RBM26: variants seen among roughly 807,000 people sequenced by gnomAD.
The protein encoded by RBM26 is RNA binding motif protein 26, also known as RNA-binding protein 26.
A neutral mutation model predicts 123.6 loss-of-function variants in RBM26; 30 were observed. The ratio of observed to expected loss-of-function variants is 0.24; its 90% CI spans 0.18 to 0.33. The LOEUF is 0.33. Among genes scored for constraint, RBM26 ranks in the 10% least tolerant of loss-of-function variants. RBM26 has a pLI of 1.00. For missense variants in RBM26, 947 were observed against 1,203.6 expected (o/e 0.79, Z 3.15); for synonymous variants, 400 against 404.4 (o/e 0.99, Z 0.13).
chr13:79,359,163 T>C (rs1330378486), intron 10 of RBM26, among the ~76,000 whole-genome samples: 1 of 152,156 alleles, frequency 6.6e-6, no homozygotes. Context: ...AGACAGCCTC[T>C]CCAACCCCCA....
At chr13:79,312,079 G>C (rs2066911889) in exon 5 of RBM26, 1 of 151,786 alleles carries the variant, frequency 6.6e-6, no homozygotes, top group Non-Finnish European at 1.5e-5. Flanking sequence ...AATTGCTTTC[G>C]CTCCACTCAA....
At chr13:79,355,111 A>G in intron 12 of RBM26, 109 bp downstream of exon 12, 1 of 956,408 alleles carries the variant, frequency 1.0e-6, no homozygotes, top group Non-Finnish European at 1.6e-6. Flanking sequence ...CTAAATGCAG[A>G]ACCAGGGTAT....
At chr13:79,369,940 T>G (rs1307471800) in intron 5 of RBM26, among the ~76,000 whole-genome samples, 2 of 152,226 alleles carry the variant, frequency 1.3e-5, no homozygotes, top group Non-Finnish European at 2.9e-5. Context: ...TTGTAATCTG[T>G]AATCTATCAT....
intron 1 of RBM26, among the ~76,000 whole-genome samples, chr13:79,396,999 G>A (rs369986536): frequency 1.3e-5 from 2 of 152,058 alleles, no homozygotes; most frequent in East Asian, 1.9e-4. Flanking sequence ...GGCCAACATG[G>A]TGAAACCCCA....
intron 1 of RBM26, among the ~76,000 whole-genome samples, chr13:79,383,554 T>C (rs2077236974): frequency 6.6e-6 from 1 of 152,150 alleles, no homozygotes; most frequent in Admixed American, 6.6e-5. Context: ...GTGATTATCG[T>C]CCAAATATCG....
intron 1 of RBM26, among the ~76,000 whole-genome samples, chr13:79,394,413 C>T (rs910175979): frequency 1.3e-5 from 2 of 152,128 alleles, no homozygotes; most frequent in South Asian, 4.1e-4. Flanking sequence ...CTAGAGGTTA[C>T]TACTTTCTGT....
Position 79,335,550 on chromosome 13 carries a change from T to C in RBM26, c.2734-1120A>G, listed in dbSNP as rs190454954. Among the ~76,000 whole-genome samples the C allele has an allele frequency of 3.4e-3, 519 of 152,240 alleles. 4 individuals carry two copies. Among genetic ancestry groups the C allele is most frequent in the African/African-American group, 0.012 (499 of 41,548 alleles). The stretch of plus-strand genomic sequence containing the variant: ...TATATTAAATAATGTAAATTTTTTT[T>C]CCTCTGACATCCATCATGTGTTCAA... On this transcript the variant is annotated intron_variant, in intron 19 of 21. Coordinates refer to ENST00000438737, the MANE Select transcript of RBM26 (RefSeq NM_001366735.2).
intron 20 of RBM26, among the ~76,000 whole-genome samples, chr13:79,333,297 C>A (rs1430353067): frequency 2.0e-5 from 3 of 152,098 alleles, no homozygotes; most frequent in Admixed American, 1.3e-4. Context: ...TCAGGAATTC[C>A]TATTTTATAA....
exon 5 of RBM26, chr13:79,312,109 C>T (rs2066912473): frequency 6.6e-6 from 1 of 151,888 alleles, no homozygotes; most frequent in African/African-American, 2.4e-5. Flanking sequence ...AAATTTTTTC[C>T]CCATGCCAAC....
chr13:79,360,149 T>A (rs1244224649), intron 9 of RBM26, among the ~76,000 whole-genome samples: 1 of 152,156 alleles, frequency 6.6e-6, no homozygotes, highest in Admixed American at 6.5e-5. Flanking sequence ...ATTTTATTAT[T>A]AGACATTGTT....
exon 5 of RBM26, chr13:79,312,718 G>A (rs1593799376): frequency 6.6e-6 from 1 of 151,594 alleles, no homozygotes; most frequent in East Asian, 1.9e-4. Flanking sequence ...AGGGCATTCT[G>A]CATCATATTC....
chr13:79,359,797 T>G, intron 9 of RBM26, 111 bp from the exon 10 acceptor site: 1 of 203,188 alleles, frequency 4.9e-6, no homozygotes, highest in Non-Finnish European at 9.1e-6. Context: ...TAAATATATA[T>G]ATATATATAT....
exon 5 of RBM26, chr13:79,312,803 CTA>C (rs2066930357): frequency 6.6e-6 from 1 of 151,814 alleles, no homozygotes; most frequent in African/African-American, 2.4e-5. Flanking sequence ...AAGTATGCTG[CTA>C]CATTATAATA....
intron 1 of RBM26, among the ~76,000 whole-genome samples, chr13:79,401,947 C>G (rs1187595668): frequency 6.6e-6 from 1 of 151,618 alleles, no homozygotes; most frequent in South Asian, 2.1e-4. Context: ...AACCTCAGTA[C>G]GTCATTACAT....
intron 14 of RBM26, among the ~76,000 whole-genome samples, chr13:79,347,059 C>A (rs924247207): frequency 1.3e-5 from 2 of 152,184 alleles, no homozygotes; most frequent in African/African-American, 4.8e-5. Flanking sequence ...TCTCCAGTTT[C>A]AGTGAGAATA....
chr13:79,384,361 G>C (rs2077310896), intron 1 of RBM26, among the ~76,000 whole-genome samples: 1 of 151,486 alleles, frequency 6.6e-6, no homozygotes, highest in Admixed American at 6.6e-5. Flanking sequence ...CCTGCCAAGA[G>C]ATCCTCCCAC....
At chr13:79,347,307 G>C (rs1269571707) in intron 14 of RBM26, among the ~76,000 whole-genome samples, 1 of 152,122 alleles carries the variant, frequency 6.6e-6, no homozygotes, top group African/African-American at 2.4e-5. Context: ...AGAAAAAAAG[G>C]CTGCCAATCA....
Position 79,337,103 on chromosome 13 carries a change from G to T in RBM26, c.2732C>A (p.Ala911Glu). 6.2e-7 allele frequency: 1 copy of T among 1,613,032 alleles called. No individual in the cohort carries two copies. The change falls in exon 19 of 22, where the codon GCG becomes GAG. Residue 911 changes from alanine (A) to glutamate (E), a missense_variant and splice_region_variant. Physicochemically the swap from Ala to Glu is moderately radical, Grantham distance 107. This residue lies in a region of RBM26 where 164 missense variants were observed against 215.3 expected (regional missense o/e 0.76). Transcript: ENST00000438737. ...SDREDLLPHF[A>E]QYGEIEDCQI... The stretch of plus-strand genomic sequence containing the variant: ...TTTTGTTGAGCAGTAAGAAAGTACC[G>T]CAAAATGAGGAAGAAGATCTTCTCT...
At chr13:79,329,943 A>G (rs1387414583) in intron 20 of RBM26, among the ~76,000 whole-genome samples, 1 of 152,180 alleles carries the variant, frequency 6.6e-6, no homozygotes, top group Non-Finnish European at 1.5e-5. Context: ...TGGTTCCATC[A>G]TTTAAGGTTC....
Sources: allele counts gnomAD v4.1 joint callset (sites outside exome capture counted in the v4.1 genomes callset), GRCh38; gene constraint gnomAD v4.1.1; regional missense constraint gnomAD v4.1.1; transcripts MANE v1.5; gene names NCBI Gene and HGNC (gene_info 2026-07-23, HGNC 2026-07-21).